The following NUAK1 variants were observed in gnomAD, a reference collection of about 807,000 sequenced individuals.
NUAK1 encodes NUAK family kinase 1.
In NUAK1, 26 loss-of-function variants were observed where a neutral mutation model predicts 56.9. The observed-to-expected ratio is 0.46, with a 90% CI of 0.33 to 0.63. The LOEUF (loss-of-function observed/expected upper bound fraction) is 0.63, where lower values mean the gene tolerates loss of function less well. Ranked by LOEUF, NUAK1 falls within the 30% of genes least tolerant of loss-of-function variation. The pLI, the probability that NUAK1 is intolerant of heterozygous loss-of-function variation, is 0.02. For missense variants in NUAK1, 727 were observed against 876.1 expected, an observed-to-expected ratio of 0.83 and a Z score of 2.15; for synonymous variants, 337 against 336.0, an observed-to-expected ratio of 1.00 and a Z score of -0.03.
intron 2 of NUAK1, among the ~76,000 whole-genome samples, chr12:106,105,063 C>T (rs1348891475): frequency 3.9e-5 from 6 of 151,946 alleles, no homozygotes; most frequent in South Asian, 2.1e-4. Context: ...AAGTGATTCA[C>T]GTGCCTCAGC....
intron 3 of NUAK1, among the ~76,000 whole-genome samples, chr12:106,085,604 G>A (rs529059272): frequency 1.6e-4 from 24 of 152,344 alleles, no homozygotes; most frequent in African/African-American, 5.5e-4. Flanking sequence ...CATGGCCAAA[G>A]TGATGAATAA....
At chr12:106,101,048 A>C (rs886097292) in intron 2 of NUAK1, among the ~76,000 whole-genome samples, 35 of 152,182 alleles carry the variant, frequency 2.3e-4, no homozygotes, top group African/African-American at 7.7e-4. Flanking sequence ...CGGCTTCCAG[A>C]GAGAAGGTTC....
chr12:106,102,097 G>C (rs985540326), intron 2 of NUAK1, among the ~76,000 whole-genome samples: 10 of 152,198 alleles, frequency 6.6e-5, no homozygotes, highest in Admixed American at 4.6e-4. Context: ...ACAGAAACTG[G>C]AGAGCTCTAA....
chr12:106,138,501 C>T lies in NUAK1; in HGVS notation c.153G>A (p.Leu51=), dbSNP rs760332060. The T allele has an allele frequency of 5.6e-6, 9 of 1,613,552 alleles. No homozygotes were observed. Among genetic ancestry groups the T allele is most frequent in the Non-Finnish European group, 7.6e-6 (9 of 1,179,852 alleles). Residue 51 remains leucine, a synonymous_variant, in exon 1 of 7, where the codon TTG becomes TTA. Coordinates refer to ENST00000261402, the MANE Select transcript of NUAK1 (RefSeq NM_014840.3). This position sits in a 1 kb window ranked among gnomAD's most constrained non-coding sequence, Gnocchi z 5.0. ...GVKRHHHKHN[L]KHRYELQETL... ...TCTCCTGCAGCTCGTAGCGGTGCTT[C>T]AAGTTGTGCTTGTGGTGATGCCGCT...
intron 2 of NUAK1, among the ~76,000 whole-genome samples, chr12:106,087,237 AATT>A (rs944125788): frequency 6.6e-6 from 1 of 152,152 alleles, no homozygotes; most frequent in Non-Finnish European, 1.5e-5. Flanking sequence ...CACAACCAAT[AATT>A]TATTAACCAC....
intron 2 of NUAK1, among the ~76,000 whole-genome samples, chr12:106,095,113 T>A (rs2032682916): frequency 6.6e-6 from 1 of 152,156 alleles, no homozygotes; most frequent in Non-Finnish European, 1.5e-5. Context: ...TTCCCTCTAT[T>A]GCTCTGTCTC....
At chr12:106,122,296 C>A (rs2136480213) in intron 1 of NUAK1, among the ~76,000 whole-genome samples, 1 of 152,264 alleles carries the variant, frequency 6.6e-6, no homozygotes, top group Admixed American at 6.5e-5. Flanking sequence ...GCAGCTGCCC[C>A]AAGTCCAGTG....
chr12:106,089,644 C>G (rs2032614939), intron 2 of NUAK1, among the ~76,000 whole-genome samples: 1 of 152,128 alleles, frequency 6.6e-6, no homozygotes, highest in Admixed American at 6.6e-5. Flanking sequence ...AAAAAATTAG[C>G]CGGGTGTGGT....
intron 4 of NUAK1, among the ~76,000 whole-genome samples, chr12:106,079,829 TC>T (rs2032498553): frequency 1.3e-5 from 2 of 152,228 alleles, no homozygotes; most frequent in Non-Finnish European, 2.9e-5. Context: ...TCCTCACGGC[TC>T]ATTATCACTG....
chr12:106,115,988 C>T (rs1402811638), intron 1 of NUAK1, among the ~76,000 whole-genome samples: 1 of 152,220 alleles, frequency 6.6e-6, no homozygotes, highest in African/African-American at 2.4e-5. Flanking sequence ...TCCTCTGCAT[C>T]CATCTGCTGC....
intron 4 of NUAK1, among the ~76,000 whole-genome samples, chr12:106,079,661 G>C (rs1415780154): frequency 6.6e-6 from 1 of 152,204 alleles, no homozygotes; most frequent in Non-Finnish European, 1.5e-5. Context: ...ACCACTCTAG[G>C]TAAAAGAGCA....
Position 106,138,597 on chromosome 12 carries a change from C to T in NUAK1, c.57G>A (p.Ala19=). Residue 19 remains alanine, a synonymous_variant, in exon 1 of 7, where the codon GCG becomes GCA. Transcript: ENST00000261402. This position sits in a 1 kb window ranked among gnomAD's most constrained non-coding sequence, Gnocchi z 5.0. ...CCACCGCCTCTCGGGGAGAGCCCGG[C>T]GCCCCCAGCCCCAAGTCGGGGCGGT... ...AGDRPDLGLG[A]PGSPREAVAG... 6.4e-7 allele frequency: 1 copy of T among 1,573,826 alleles called. No homozygotes were observed. Among genetic ancestry groups the T allele is most frequent in the South Asian group, 1.1e-5 (1 of 87,522 alleles).
chr12:106,087,126 T>C (rs2032580773), intron 2 of NUAK1, among the ~76,000 whole-genome samples: 1 of 152,230 alleles, frequency 6.6e-6, no homozygotes, highest in African/African-American at 2.4e-5. Flanking sequence ...AAGGGAAATG[T>C]GGTTCCCTTT....
At chr12:106,136,987 C>T (rs551010554) in intron 1 of NUAK1, among the ~76,000 whole-genome samples, 3 of 152,312 alleles carry the variant, frequency 2.0e-5, no homozygotes, top group Admixed American at 2.0e-4. Context: ...TACTTGCTTG[C>T]TGTAGAATTT....
chr12:106,132,438 C>T (rs923603227), intron 1 of NUAK1, among the ~76,000 whole-genome samples: 8 of 152,218 alleles, frequency 5.3e-5, no homozygotes, highest in African/African-American at 1.7e-4. Context: ...ATTCAAGACA[C>T]ACAGGACACA....
In NUAK1 at chr12:106,138,553, A is replaced by C. The variant is rs751592845; in HGVS notation, c.101T>G (p.Leu34Arg). Residue 34 changes from leucine to arginine, a missense_variant, in exon 1 of 7, where the codon CTG (leucine) becomes CGG (arginine). Transcript: ENST00000261402. The surrounding 1 kb of genome is among the most constrained non-coding windows in gnomAD (Gnocchi z 5.0). Reference protein sequence around the residue: ...REAVAGATAALEPRKPHGVKR... With the variant: ...REAVAGATAAREPRKPHGVKR... ...CACCCCGTGCGGCTTCCTGGGCTCC[A>C]GGGCTGCAGTCGCCCCCGCCACCGC... is the stretch of plus-strand genomic sequence containing the variant. 1.2e-6 allele frequency: 2 copies of C among 1,609,430 alleles called. No homozygotes were observed. The highest frequency in any genetic ancestry group is 2.2e-5 in the South Asian group (2 of 90,900).
chr12:106,109,190 T>C (rs2032834036), intron 1 of NUAK1, among the ~76,000 whole-genome samples: 1 of 152,148 alleles, frequency 6.6e-6, no homozygotes, highest in South Asian at 2.1e-4. Context: ...GGCGGACCCA[T>C]CCAAGGTTCA....
In NUAK1 at chr12:106,138,338, C is replaced by T. The variant is rs1190980072; in HGVS notation, c.240+76G>A. 2.0e-6 allele frequency: 3 copies of T among 1,513,646 alleles called. No individual in the cohort carries two copies. In the Admixed American group the frequency reaches 6.4e-5, roughly 32 times the overall value. 93.8% of individuals were successfully genotyped at this position (1,513,646 alleles called of 1,614,324 possible). On this transcript the variant is annotated intron_variant, in intron 1 of 6. Transcript: ENST00000261402. This position sits in a 1 kb window ranked among gnomAD's most constrained non-coding sequence, Gnocchi z 5.0. ...CAAGAGAGCCCCAGGGCGCACAGAC[C>T]CCCGCCTCGCACGCCCTCAGTCCCC... is the stretch of plus-strand genomic sequence containing the variant.
chr12:106,099,203 C>A (rs1314949260), intron 2 of NUAK1, among the ~76,000 whole-genome samples: 2 of 152,198 alleles, frequency 1.3e-5, no homozygotes, highest in Admixed American at 6.5e-5. Context: ...TCAAGAAAGA[C>A]ACATTTGAAA....
Sources: allele counts gnomAD v4.1 joint callset (sites outside exome capture counted in the v4.1 genomes callset), GRCh38; gene constraint gnomAD v4.1.1; non-coding constraint Gnocchi (gnomAD v3.1); transcripts MANE v1.5; gene names NCBI Gene and HGNC (gene_info 2026-07-23, HGNC 2026-07-21).